The following YLPM1 variants were observed in gnomAD, a reference collection of about 807,000 sequenced individuals.
The protein encoded by YLPM1 is YLP motif containing 1, also known as YLP motif-containing protein 1.
In YLPM1, 99 loss-of-function variants were observed where a neutral mutation model predicts 230.0. That is an observed-to-expected ratio of 0.43 (90% CI 0.37 to 0.51). The LOEUF is 0.51. YLPM1 is among the 20% of genes least tolerant of loss of function. YLPM1 has a pLI of 0.00. For synonymous variants in YLPM1, 984 were observed against 942.5 expected (o/e 1.04, Z -0.81); for missense variants, 2,592 against 2,707.7 (o/e 0.96, Z 0.95).
chr14:74,821,030 T>C, intron 16 of YLPM1, 27 bp from the exon 17 acceptor site: 1 of 1,266,860 alleles, frequency 7.9e-7, no homozygotes, highest in Non-Finnish European at 1.0e-6. Flanking sequence ...ACTCAGTCTT[T>C]TTTTTTTTTT....
intron 2 of YLPM1, among the ~76,000 whole-genome samples, chr14:74,780,044 T>A (rs1271947605): frequency 6.6e-6 from 1 of 152,154 alleles, no homozygotes; most frequent in Non-Finnish European, 1.5e-5. Flanking sequence ...CTTCAAGTGA[T>A]CCACCCGCCT....
intron 4 of YLPM1, among the ~76,000 whole-genome samples, chr14:74,792,917 G>T (rs1466507047): frequency 6.6e-6 from 1 of 152,112 alleles, no homozygotes; most frequent in Admixed American, 6.6e-5. Context: ...TTTCTGAGTC[G>T]TCCTGTATCT....
chr14:74,826,946 A>G (rs151076825), intron 18 of YLPM1, among the ~76,000 whole-genome samples: 109 of 152,306 alleles, frequency 7.2e-4, no homozygotes, highest in African/African-American at 2.5e-3. Flanking sequence ...CTTCATATAA[A>G]GTACTTTTGC....
chr14:74,780,677 TACC>T (rs1417922460), intron 3 of YLPM1, 93 bp downstream of exon 3: 3 of 1,487,368 alleles, frequency 2.0e-6, no homozygotes, highest in African/African-American at 1.4e-5. Flanking sequence ...AAACAAAAGA[TACC>T]AACTGTTGAC....
rs1449270197 is a variant in YLPM1 at position 74,816,871 on chromosome 14, A to G, written c.5686-60A>G. ...ATCTCTATCCAAATACTAACCAAGG[A>G]AAAGGTTTTGGATGATTCTTTGCTT... On this transcript the variant is annotated intron_variant, in intron 13 of 20. Transcript: ENST00000325680. The G allele has an allele frequency of 4.0e-6, 6 of 1,492,002 alleles. No homozygotes were observed. In the East Asian group the frequency reaches 6.9e-5, roughly 17 times the overall value. The allele number at this position is 1,492,002 out of a possible 1,614,324, so 92.4% of individuals were successfully genotyped here. A position where few individuals can be genotyped will look rare whatever the true frequency, so the allele number is the denominator to read the frequency against.
chr14:74,790,334 G>A (rs1042108756), intron 4 of YLPM1, among the ~76,000 whole-genome samples: 6 of 152,036 alleles, frequency 3.9e-5, no homozygotes, highest in African/African-American at 1.2e-4. Flanking sequence ...TAGGACCTTG[G>A]TTATACATAT....
At chr14:74,831,550 G>A (rs934104457) in intron 19 of YLPM1, among the ~76,000 whole-genome samples, 1 of 152,204 alleles carries the variant, frequency 6.6e-6, no homozygotes, top group African/African-American at 2.4e-5. Flanking sequence ...CTTCACTGAG[G>A]AGTATGTAAT....
chr14:74,806,682 A>G (rs993430884), intron 6 of YLPM1, among the ~76,000 whole-genome samples: 2 of 152,166 alleles, frequency 1.3e-5, no homozygotes, highest in Non-Finnish European at 2.9e-5. Flanking sequence ...GGTATATTTA[A>G]TAATTTTAAT....
chr14:74,828,112 T>C (rs2091579992), intron 18 of YLPM1: 1 of 675,416 alleles, frequency 1.5e-6, no homozygotes, highest in African/African-American at 2.0e-5. Context: ...TGTAAAACTT[T>C]TATATTTGAA....
chr14:74,820,486 G>A (rs1163247866), intron 16 of YLPM1, among the ~76,000 whole-genome samples: 1 of 152,014 alleles, frequency 6.6e-6, no homozygotes, highest in Non-Finnish European at 1.5e-5. Context: ...AGACTCAAGC[G>A]ATCCTCCTGC....
chr14:74,775,842 C>A (rs1325538593), intron 1 of YLPM1, among the ~76,000 whole-genome samples: 1 of 152,106 alleles, frequency 6.6e-6, no homozygotes, highest in African/African-American at 2.4e-5. Flanking sequence ...GGTATTCAGG[C>A]CATTCTCTTT....
chr14:74,827,373 A>G (rs2091572718), intron 18 of YLPM1: 3 of 985,442 alleles, frequency 3.0e-6, no homozygotes, highest in Non-Finnish European at 3.6e-6. Context: ...GGTTTCCAGT[A>G]TGCCATGTGG....
At position 74,763,530 on chromosome 14, in the gene YLPM1, A is replaced by C; in HGVS notation, c.41A>C (p.Tyr14Ser). The C allele has an allele frequency of 6.6e-7, 1 of 1,507,874 alleles. No homozygotes were observed. Among genetic ancestry groups the C allele is most frequent in the Non-Finnish European group, 8.9e-7 (1 of 1,125,468 alleles). The allele number at this position is 1,507,874 out of a possible 1,614,324, so 93.4% of individuals were successfully genotyped here. A position where few individuals can be genotyped will look rare whatever the true frequency, so the allele number is the denominator to read the frequency against. Residue 14 changes from tyrosine (Y) to serine (S), a missense_variant, in exon 1 of 21, where the codon TAT becomes TCT. This residue lies in a region of YLPM1 where 1,862 missense variants were observed against 1,819.8 expected (regional missense o/e 1.02). Coordinates refer to ENST00000325680, the MANE Select transcript of YLPM1 (RefSeq NM_019589.3). ...GGCCGGTATGGCGGGAGCAGCCACTATCCGCCGCCACCGGTCCCACCGCCG... is the reference window on the plus strand; with the variant it reads ...GGCCGGTATGGCGGGAGCAGCCACTCTCCGCCGCCACCGGTCCCACCGCCG... ...NWGRYGGSSH[Y>S]PPPPVPPPPP...
At chr14:74,832,499 TCTCA>T (rs1279650843) in intron 19 of YLPM1, among the ~76,000 whole-genome samples, 12 of 152,106 alleles carry the variant, frequency 7.9e-5, no homozygotes, top group Admixed American at 5.2e-4. Flanking sequence ...TGAGACAGAG[TCTCA>T]CTCTGTTGCC....
intron 1 of YLPM1, among the ~76,000 whole-genome samples, chr14:74,775,312 G>A (rs1414706898): frequency 6.6e-6 from 1 of 152,148 alleles, no homozygotes. Flanking sequence ...AGAGGGGAAG[G>A]CAGCTGTCCC....
chr14:74,798,494 A>G lies in YLPM1; in HGVS notation c.3197A>G (p.Glu1066Gly). ...CGGGATAAGATGATGGGTAGAAGAGAAGATAGTCGAGAGAAGATGAACAGA... is the reference window on the plus strand; with the variant it reads ...CGGGATAAGATGATGGGTAGAAGAGGAGATAGTCGAGAGAAGATGAACAGA... ...DFRDKMMGRR[E>G]DSREKMNRGE... Residue 1066 changes from glutamate to glycine, a missense_variant, in exon 5 of 21, where the codon GAA (glutamate) becomes GGA (glycine). This residue lies in a region of YLPM1 where 1,862 missense variants were observed against 1,819.8 expected (regional missense o/e 1.02). Transcript: ENST00000325680. The G allele has an allele frequency of 1.2e-6, 2 of 1,613,892 alleles. No homozygotes were observed. Among genetic ancestry groups the G allele is most frequent in the East Asian group, 2.2e-5 (1 of 44,864 alleles).
At chr14:74,778,763 T>C in intron 2 of YLPM1, 80 bp downstream of exon 2, 1 of 1,319,182 alleles carries the variant, frequency 7.6e-7, no homozygotes, top group Non-Finnish European at 1.0e-6. Context: ...TTATCATAAA[T>C]GGATATATAT....
chr14:74,795,790 C>G (rs534737977), intron 4 of YLPM1, among the ~76,000 whole-genome samples: 2 of 152,314 alleles, frequency 1.3e-5, no homozygotes, highest in East Asian at 3.9e-4. Context: ...CCTTAACCAG[C>G]TGAATTAATT....
chr14:74,832,692 C>G (rs917156649), intron 19 of YLPM1, among the ~76,000 whole-genome samples: 4 of 152,128 alleles, frequency 2.6e-5, no homozygotes, highest in African/African-American at 9.7e-5. Flanking sequence ...AGGCTGGTCT[C>G]AAACTCCTGA....
Sources: gnomAD v4.1 joint callset for allele counts (sites outside exome capture counted in the v4.1 genomes callset) on GRCh38, gnomAD v4.1.1 for gene constraint, gnomAD v4.1.1 regional missense constraint, MANE v1.5 for transcripts, NCBI Gene and HGNC (gene_info 2026-07-23, HGNC 2026-07-21) for gene names.